The following GABBR2 variants were observed in gnomAD, a reference collection of about 807,000 sequenced individuals.
The protein encoded by GABBR2 is G-protein coupled receptor 51.
A neutral mutation model predicts 105.6 loss-of-function variants in GABBR2; 23 were observed. That is an observed-to-expected ratio of 0.22 (90% CI 0.16 to 0.31). The LOEUF (loss-of-function observed/expected upper bound fraction) is 0.31, where lower values mean the gene tolerates loss of function less well. Among genes scored for constraint, GABBR2 ranks in the 10% least tolerant of loss-of-function variants. The probability of loss-of-function intolerance (pLI) is 1.00; values close to 1 mark genes in which losing one functional copy is unlikely to be tolerated. For missense variants in GABBR2, 734 were observed against 1,245.5 expected (o/e 0.59, Z 6.18); for synonymous variants, 478 against 499.7 (o/e 0.96, Z 0.58).
intron 1 of GABBR2, among the ~76,000 whole-genome samples, chr9:98,597,303 A>ACATGC (rs1829252617): frequency 6.6e-6 from 1 of 152,154 alleles, no homozygotes; most frequent in African/African-American, 2.4e-5. Context: ...ATCACAAACA[A>ACATGC]CATGCCAGGG....
rs1832263332 is a variant in GABBR2, at chr9:98,395,109, A to T, written c.1298-854T>A. 2.0e-5 allele frequency among the ~76,000 whole-genome samples: 3 copies of T among 152,214 alleles called. No homozygotes were observed. The South Asian group carries it at 6.2e-4, about 32-fold the overall frequency. The stretch of plus-strand genomic sequence containing the variant: ...ATCGTCAAGGATAAAGATGATGAGG[A>T]CTGGCCCAGAGTGGTGGCAGAAGAA... On this transcript the variant is annotated intron_variant, in intron 8 of 18. Coordinates refer to ENST00000259455, the MANE Select transcript of GABBR2 (RefSeq NM_005458.8).
chr9:98,641,001 G>A (rs906055201), intron 1 of GABBR2, among the ~76,000 whole-genome samples: 5 of 152,124 alleles, frequency 3.3e-5, no homozygotes, highest in African/African-American at 1.2e-4. Flanking sequence ...CTTAGCACAC[G>A]TAAGAAAAGC....
chr9:98,319,496 A>C (rs1024967889), intron 13 of GABBR2, among the ~76,000 whole-genome samples: 33 of 151,316 alleles, frequency 2.2e-4, no homozygotes, highest in Non-Finnish European at 4.1e-4. Context: ...AGGACATGTA[A>C]GATCACCCAC....
intron 7 of GABBR2, among the ~76,000 whole-genome samples, chr9:98,440,595 G>T (rs1359380743): frequency 6.6e-6 from 1 of 152,166 alleles, no homozygotes; most frequent in Non-Finnish European, 1.5e-5. Context: ...ATTCTAGGAA[G>T]CCTGAATCCC....
intron 1 of GABBR2, among the ~76,000 whole-genome samples, chr9:98,579,902 A>T (rs903636629): frequency 5.3e-5 from 8 of 152,326 alleles, no homozygotes; most frequent in Admixed American, 5.2e-4. Context: ...TAATTGATTG[A>T]GCAAAGTTCT....
chr9:98,640,516 G>A lies in GABBR2; in HGVS notation c.322-62444C>T, dbSNP rs142467572. On this transcript the variant is annotated intron_variant, in intron 1 of 18. Coordinates refer to ENST00000259455, the MANE Select transcript of GABBR2 (RefSeq NM_005458.8). ...TCCTGCTGGCCAGAAACCACCCTCC[G>A]TGATGCTGAGGGACCACAGACAGAA... is the stretch of plus-strand genomic sequence containing the variant. Among the ~76,000 whole-genome samples, 34 of 152,198 alleles carry A rather than the reference G, an allele frequency of 2.2e-4. No homozygotes were observed. In the East Asian group the frequency reaches 6.4e-3, roughly 29 times the overall value.
At chr9:98,647,600 G>A (rs566501253) in intron 1 of GABBR2, among the ~76,000 whole-genome samples, 1 of 152,286 alleles carries the variant, frequency 6.6e-6, no homozygotes, top group African/African-American at 2.4e-5. Context: ...GGCACCCGAC[G>A]GGTTGTGCCC....
intron 1 of GABBR2, among the ~76,000 whole-genome samples, chr9:98,699,396 A>C (rs1830798470): frequency 6.6e-6 from 1 of 152,098 alleles, no homozygotes; most frequent in Non-Finnish European, 1.5e-5. Flanking sequence ...CTAAATAATA[A>C]GAACCCGAAA....
At chr9:98,469,620 G>C (rs1312205010) in intron 6 of GABBR2, among the ~76,000 whole-genome samples, 1 of 152,190 alleles carries the variant, frequency 6.6e-6, no homozygotes, top group Non-Finnish European at 1.5e-5. Flanking sequence ...ATCTTATCCT[G>C]AGAGCCTTAA....
In GABBR2 at chr9:98,416,457, C is replaced by A. The variant is rs937664473; in HGVS notation, c.1237-10316G>T. ...CTGTGATGCTAGGGCCAGGGCTCCA[C>A]AAGCCACATCTCCCAGACTCTGTCC... On this transcript the variant is annotated intron_variant, in intron 7 of 18. Transcript: ENST00000259455. 1.3e-4 allele frequency among the ~76,000 whole-genome samples: 20 copies of A among 152,324 alleles called. No homozygotes were observed. In the South Asian group the frequency reaches 3.9e-3, roughly 30 times the overall value.
At chr9:98,618,653 T>C (rs1829625728) in intron 1 of GABBR2, among the ~76,000 whole-genome samples, 2 of 152,204 alleles carry the variant, frequency 1.3e-5, no homozygotes, top group African/African-American at 4.8e-5. Flanking sequence ...TGAGTGCTTC[T>C]CTCAGTGTGT....
chr9:98,289,760 G>A lies in GABBR2; in HGVS notation c.*824C>T, dbSNP rs887831284. 1 of 152,696 alleles carries A rather than the reference G, an allele frequency of 6.5e-6. No homozygotes were observed. Among genetic ancestry groups the A allele is most frequent in the African/African-American group, 2.4e-5 (1 of 41,440 alleles). The allele number at this position is 152,696 out of a possible 1,614,324, so 9.5% of individuals were successfully genotyped here. Reference sequence around the variant, plus strand: ...ATGATTAGCTCGGGTGGTCCCCCTGGTTACTGGGAGCATCCGATAGGAACA... The same window carrying A: ...ATGATTAGCTCGGGTGGTCCCCCTGATTACTGGGAGCATCCGATAGGAACA... On this transcript the variant is annotated 3_prime_UTR_variant, in exon 19 of 19. Coordinates refer to ENST00000259455, the MANE Select transcript of GABBR2 (RefSeq NM_005458.8).
chr9:98,493,970 G>A (rs1417933119), intron 4 of GABBR2, among the ~76,000 whole-genome samples: 2 of 152,202 alleles, frequency 1.3e-5, no homozygotes, highest in Non-Finnish European at 2.9e-5. Flanking sequence ...TATTGTTAGA[G>A]GTAACTAGTT....
At chr9:98,571,036 A>G (rs1451115580) in intron 2 of GABBR2, among the ~76,000 whole-genome samples, 1 of 152,178 alleles carries the variant, frequency 6.6e-6, no homozygotes, top group Non-Finnish European at 1.5e-5. Context: ...ATGAGACACA[A>G]TTCTAACCTC....
chr9:98,362,848 G>C lies in GABBR2; in HGVS notation c.1771-11C>G, dbSNP rs1422523934. ...CTGGTCCTTGATGATCTACAGAGCG[G>C]GAAGGAGCAGAGGGGAGCCGATGTG... On this transcript the variant is annotated splice_polypyrimidine_tract_variant and intron_variant, in intron 12 of 18. Coordinates refer to ENST00000259455, the MANE Select transcript of GABBR2 (RefSeq NM_005458.8). 2 of 1,562,714 alleles carry C rather than the reference G, an allele frequency of 1.3e-6. No homozygotes were observed. Among genetic ancestry groups the C allele is most frequent in the South Asian group, 2.5e-5 (2 of 81,060 alleles).
chr9:98,612,949 C>A (rs1829526859), intron 1 of GABBR2, among the ~76,000 whole-genome samples: 1 of 152,226 alleles, frequency 6.6e-6, no homozygotes, highest in Admixed American at 6.5e-5. Context: ...TAGAGAAGGG[C>A]TTCCTCTGCT....
intron 3 of GABBR2, among the ~76,000 whole-genome samples, chr9:98,541,242 A>C (rs1038133423): frequency 2.0e-5 from 3 of 152,234 alleles, no homozygotes; most frequent in Admixed American, 1.3e-4. Context: ...ACATTGAAAA[A>C]GTTCTAGGCA....
chr9:98,450,492 G>T (rs2131598648), intron 7 of GABBR2, among the ~76,000 whole-genome samples: 1 of 152,256 alleles, frequency 6.6e-6, no homozygotes, highest in African/African-American at 2.4e-5. Flanking sequence ...TTTCACTGTT[G>T]CGGTCTGTCT....
At chr9:98,625,980 A>G (rs557102944) in intron 1 of GABBR2, among the ~76,000 whole-genome samples, 2 of 152,274 alleles carry the variant, frequency 1.3e-5, no homozygotes, top group East Asian at 3.9e-4. Context: ...AGCTTAAGAC[A>G]GGGAAGTCAG....
Sources: allele counts gnomAD v4.1 joint callset (sites outside exome capture counted in the v4.1 genomes callset), GRCh38; gene constraint gnomAD v4.1.1; transcripts MANE v1.5; gene names NCBI Gene and HGNC (gene_info 2026-07-23, HGNC 2026-07-21).